Variants in DLG2 observed in about 807,000 individuals in gnomAD.
The protein encoded by DLG2 is discs large MAGUK scaffold protein 2, also known as disks large homolog 2.
In DLG2, 45 loss-of-function variants were observed where a neutral mutation model predicts 132.5. The ratio of observed to expected loss-of-function variants is 0.34; its 90% CI spans 0.27 to 0.44. DLG2 has a LOEUF of 0.44. Among genes scored for constraint, DLG2 ranks in the 20% least tolerant of loss-of-function variants. The pLI, the probability that DLG2 is intolerant of heterozygous loss-of-function variation, is 1.00. For missense variants in DLG2, 1,045 were observed against 1,196.9 expected, an observed-to-expected ratio of 0.87 and a Z score of 1.87; for synonymous variants, 424 against 419.6, an observed-to-expected ratio of 1.01 and a Z score of -0.13.
In DLG2 at chr11:85,049,383, T is replaced by C. The variant is rs143508629; in HGVS notation, c.357+62278A>G. Among the ~76,000 whole-genome samples the C allele has an allele frequency of 9.2e-5, 14 of 152,222 alleles. 1 individual carries two copies. Among genetic ancestry groups the C allele is most frequent in the Admixed American group, 9.2e-4 (14 of 15,266 alleles). On this transcript the variant is annotated intron_variant, in intron 6 of 27. Transcript: ENST00000376104. ...TCTGCTGTGTTGGTCATCCTATCTC[T>C]AGCACCTAGCACTATGTCTGCAATA...
chr11:84,426,214 T>C (rs919942420), intron 7 of DLG2, among the ~76,000 whole-genome samples: 2 of 152,102 alleles, frequency 1.3e-5, no homozygotes, highest in African/African-American at 4.8e-5. Context: ...TAGTGGCGCA[T>C]GAAGCCAATG....
At chr11:85,479,915 C>T (rs762889105) in intron 3 of DLG2, among the ~76,000 whole-genome samples, 27 of 152,062 alleles carry the variant, frequency 1.8e-4, no homozygotes, top group Admixed American at 4.6e-4. Flanking sequence ...ATAAGAATAC[C>T]AATCATACTG....
At position 84,250,697 on chromosome 11, in the gene DLG2, G is replaced by A. The variant is rs552520233; in HGVS notation, c.573+541C>T. Among the ~76,000 whole-genome samples the A allele has an allele frequency of 5.9e-5, 9 of 152,250 alleles. No homozygotes were observed. In the East Asian group the frequency reaches 1.7e-3, roughly 29 times the overall value. ...TGCCATCATAGTGGTTGTGTTACAG[G>A]TACAGAATCCTAGGCTTCATTGGTT... On this transcript the variant is annotated intron_variant, in intron 8 of 27. Coordinates refer to ENST00000376104, the MANE Select transcript of DLG2 (RefSeq NM_001142699.3).
chr11:84,108,542 A>G (rs188766997), intron 9 of DLG2, among the ~76,000 whole-genome samples: 2 of 152,264 alleles, frequency 1.3e-5, no homozygotes, highest in Admixed American at 1.3e-4. Flanking sequence ...AGATGTGCTA[A>G]GGCCTAAGGA....
intron 21 of DLG2, among the ~76,000 whole-genome samples, chr11:83,489,352 C>T (rs1442294175): frequency 6.6e-6 from 1 of 151,880 alleles, no homozygotes; most frequent in Non-Finnish European, 1.5e-5. Context: ...CTGATTTCAT[C>T]TATATAAAAT....
intron 6 of DLG2, among the ~76,000 whole-genome samples, chr11:84,591,306 C>A (rs2099542647): frequency 6.8e-6 from 1 of 146,432 alleles, no homozygotes; most frequent in Non-Finnish European, 1.5e-5. Flanking sequence ...TACAAAAGAC[C>A]ATGCCTTGTT....
At chr11:83,520,773 A>G (rs1357910655) in intron 21 of DLG2, among the ~76,000 whole-genome samples, 1 of 152,062 alleles carries the variant, frequency 6.6e-6, no homozygotes, top group Non-Finnish European at 1.5e-5. Context: ...CTTGAGAGGT[A>G]TACTTTTGAT....
At chr11:85,200,673 C>A (rs1227995733) in intron 4 of DLG2, among the ~76,000 whole-genome samples, 1 of 152,104 alleles carries the variant, frequency 6.6e-6, no homozygotes, top group African/African-American at 2.4e-5. Flanking sequence ...CAGCTTAGGC[C>A]CCTCCTGCTG....
chr11:83,656,557 A>G lies in DLG2; in HGVS notation c.1826-23232T>C, dbSNP rs549951514. 7.2e-4 allele frequency among the ~76,000 whole-genome samples: 110 copies of G among 152,176 alleles called. 1 individual carries two copies. The highest frequency in any genetic ancestry group is 2.5e-3 in the African/African-American group (103 of 41,508). ...TGAGTAGAGGAAGAATAATATAGAA[A>G]ACTTGTTGTTCCTCAAGTCAGAATT... is the stretch of plus-strand genomic sequence containing the variant. On this transcript the variant is annotated intron_variant, in intron 18 of 27. Transcript: ENST00000376104.
chr11:83,950,271 T>C (rs2085081212), intron 14 of DLG2, among the ~76,000 whole-genome samples: 1 of 152,240 alleles, frequency 6.6e-6, no homozygotes. Context: ...TAACTGAGGA[T>C]GTTCTGGCCC....
intron 6 of DLG2, among the ~76,000 whole-genome samples, chr11:84,537,799 G>A (rs1034174842): frequency 3.3e-5 from 5 of 152,176 alleles, no homozygotes; most frequent in African/African-American, 9.7e-5. Flanking sequence ...ATAAGTGTTT[G>A]TTGAATATAG....
At chr11:83,487,484 A>C (rs1022471947) in intron 21 of DLG2, among the ~76,000 whole-genome samples, 5 of 152,076 alleles carry the variant, frequency 3.3e-5, no homozygotes, top group Non-Finnish European at 7.4e-5. Flanking sequence ...CTTGCCCCAG[A>C]GTCACACAAT....
At chr11:84,946,129 G>T (rs2050163615) in intron 6 of DLG2, among the ~76,000 whole-genome samples, 1 of 152,170 alleles carries the variant, frequency 6.6e-6, no homozygotes, top group African/African-American at 2.4e-5. Context: ...CTTTGGCCCA[G>T]GATGGGACCA....
chr11:85,524,990 C>A (rs772885843), intron 3 of DLG2: 2 of 152,030 alleles, frequency 1.3e-5, no homozygotes, highest in African/African-American at 2.4e-5. Context: ...AATGTATATA[C>A]CTGGTATAAC....
intron 3 of DLG2, among the ~76,000 whole-genome samples, chr11:85,397,841 A>T (rs2087568989): frequency 6.6e-6 from 1 of 152,134 alleles, no homozygotes; most frequent in Non-Finnish European, 1.5e-5. Flanking sequence ...TGACTTCAAC[A>T]CCCCACTGTC....
chr11:84,678,661 T>C (rs1485538200), intron 6 of DLG2, among the ~76,000 whole-genome samples: 1 of 152,056 alleles, frequency 6.6e-6, no homozygotes, highest in African/African-American at 2.4e-5. Flanking sequence ...GTTTGTAGCT[T>C]CTATCAACAT....
At chr11:83,885,094 A>G (rs1002954903) in intron 15 of DLG2, among the ~76,000 whole-genome samples, 5 of 152,244 alleles carry the variant, frequency 3.3e-5, no homozygotes, top group Non-Finnish European at 5.9e-5. Flanking sequence ...AAAGCTGGAC[A>G]GAGAATGACT....
chr11:84,883,585 C>A (rs1375543182), intron 6 of DLG2, among the ~76,000 whole-genome samples: 3 of 152,076 alleles, frequency 2.0e-5, no homozygotes, highest in Non-Finnish European at 4.4e-5. Context: ...CTTCTCCTCA[C>A]TAATTACTGA....
chr11:84,877,762 C>G (rs1304213813), intron 6 of DLG2, among the ~76,000 whole-genome samples: 1 of 152,066 alleles, frequency 6.6e-6, no homozygotes, highest in Non-Finnish European at 1.5e-5. Flanking sequence ...AAGAAACTGT[C>G]ATCAGAGTGA....
Sources: gnomAD v4.1 joint callset for allele counts (sites outside exome capture counted in the v4.1 genomes callset) on GRCh38, gnomAD v4.1.1 for gene constraint, MANE v1.5 for transcripts, NCBI Gene and HGNC (gene_info 2026-07-23, HGNC 2026-07-21) for gene names.